The following LAMA5 variants were observed in gnomAD, a reference collection of about 807,000 sequenced individuals.
LAMA5 encodes laminin subunit alpha 5, also known as laminin subunit alpha-5.
In LAMA5, 260 loss-of-function variants were observed where a neutral mutation model predicts 433.4. The observed-to-expected ratio is 0.60, with a 90% confidence interval of 0.54 to 0.66. The LOEUF is 0.66. LAMA5 is among the 30% of genes least tolerant of loss of function. The pLI, the probability that LAMA5 is intolerant of heterozygous loss-of-function variation, is 0.00. For synonymous variants in LAMA5, 2,620 were observed against 2,226.6 expected, an observed-to-expected ratio of 1.18 and a Z score of -4.97; for missense variants, 5,378 against 5,258.5, an observed-to-expected ratio of 1.02 and a Z score of -0.70.
Position 62,322,645 on chromosome 20 carries a change from C to T in LAMA5, c.6165+13G>A, listed in dbSNP as rs1478682655. 2.0e-6 allele frequency: 3 copies of T among 1,495,680 alleles called. No individual in the cohort carries two copies. The South Asian group carries it at 3.6e-5, about 18-fold the overall frequency. The allele number at this position is 1,495,680 out of a possible 1,614,324, so 92.7% of individuals were successfully genotyped here. A position where few individuals can be genotyped will look rare whatever the true frequency, so the allele number is the denominator to read the frequency against. ...GCCCCACCCACCCAGCCCTGCTTAC[C>T]CCACAGCCCTACCTGGCAGCGGTCA... is the stretch of plus-strand genomic sequence containing the variant. On this transcript the variant is annotated intron_variant, in intron 46 of 79. Coordinates refer to ENST00000252999, the MANE Select transcript of LAMA5 (RefSeq NM_005560.6).
At chr20:62,366,623 G>A (rs1027492854) in intron 1 of LAMA5, among the ~76,000 whole-genome samples, 3 of 152,182 alleles carry the variant, frequency 2.0e-5, no homozygotes, top group Admixed American at 2.0e-4. Context: ...GCCAAGTCCC[G>A]CCCTCCCCGG....
intron 1 of LAMA5, among the ~76,000 whole-genome samples, chr20:62,364,397 CA>C (rs1384206653): frequency 6.6e-6 from 1 of 152,156 alleles, no homozygotes; most frequent in East Asian, 1.9e-4. Context: ...GGTTGCGGGT[CA>C]AGGGTCAGCC....
chr20:62,336,795 AGAG>A lies in LAMA5; in HGVS notation c.2165-12_2165-10del. ...AGGGTGGCAAGAGCCAGCTGTGAAG[AGAG>A]GACCATGCCTCGGTCATTTCCCAGT... On this transcript the variant is annotated splice_polypyrimidine_tract_variant and intron_variant, in intron 16 of 79. Transcript: ENST00000252999. 1 of 1,612,360 alleles carries A rather than the reference AGAG, an allele frequency of 6.2e-7. No homozygotes were observed. The highest frequency in any genetic ancestry group is 8.5e-7 in the Non-Finnish European group (1 of 1,179,900).
chr20:62,361,591 C>T (rs1441629194), intron 2 of LAMA5, among the ~76,000 whole-genome samples: 6 of 152,234 alleles, frequency 3.9e-5, no homozygotes, highest in African/African-American at 7.2e-5. Flanking sequence ...ACTGGGGCAG[C>T]GGCGGAGCCG....
At chr20:62,344,765 TTAA>T (rs1370038678) in intron 11 of LAMA5, among the ~76,000 whole-genome samples, 2 of 151,852 alleles carry the variant, frequency 1.3e-5, no homozygotes, top group Middle Eastern at 3.4e-3. Context: ...CTACCTCATC[TTAA>T]TAATGCTTTA....
At chr20:62,323,950 CGG>C (rs1978805164) in intron 43 of LAMA5, 94 bp from the exon 44 acceptor site, 1 of 1,443,646 alleles carries the variant, frequency 6.9e-7, no homozygotes, top group Non-Finnish European at 9.3e-7. Context: ...CGCCAGGCGT[CGG>C]GGGCCCAGAC....
At position 62,314,615 on chromosome 20, in the gene LAMA5, T is replaced by C. The variant is rs1261301948; in HGVS notation, c.8307A>G (p.Pro2769=). The change falls in exon 61 of 80, where the codon CCA becomes CCG. Residue 2769 remains proline (P), a synonymous_variant. Coordinates refer to ENST00000252999, the MANE Select transcript of LAMA5 (RefSeq NM_005560.6). The part of the protein sequence containing the change: ...YTALKFYLQG[P]EPEPGQGTED... The stretch of plus-strand genomic sequence containing the variant: ...CGGTACCCTGCCCAGGCTCAGGCTC[T>C]GGGCCCTGCAGGTAGAACTTGAGGG... The C allele has an allele frequency of 2.5e-6, 4 of 1,612,460 alleles. No individual in the cohort carries two copies. Among genetic ancestry groups the C allele is most frequent in the Non-Finnish European group, 3.4e-6 (4 of 1,179,868 alleles).
intron 2 of LAMA5, among the ~76,000 whole-genome samples, chr20:62,362,183 T>C (rs1427770847): frequency 2.0e-5 from 3 of 152,242 alleles, no homozygotes; most frequent in Non-Finnish European, 4.4e-5. Context: ...CCGCTTTCCC[T>C]GTGTCATGGG....
chr20:62,327,314 G>T lies in LAMA5; in HGVS notation c.5031C>A (p.Asp1677Glu), dbSNP rs1979473346. Residue 1677 changes from aspartate (D) to glutamate (E), a missense_variant, in exon 38 of 80, where the codon GAC becomes GAA. Physicochemically the swap from Asp to Glu is conservative, Grantham distance 45 (BLOSUM62 2). Transcript: ENST00000252999. ...GCACAGCCTCAGGCACGTGCCGCAG[G>T]TCTGCACGGAGCATCTCCGTCCCTG... ...RQPGTEMLRA[D>E]LRHVPEAVPE... is the part of the protein sequence containing the mutation. 3 of 1,599,914 alleles carry T rather than the reference G, an allele frequency of 1.9e-6. No homozygotes were observed. The highest frequency in any genetic ancestry group is 2.7e-5 in the African/African-American group (2 of 74,914).
At position 62,317,009 on chromosome 20, in the gene LAMA5, A is replaced by T; in HGVS notation, c.7526T>A (p.Val2509Asp). 1 of 1,536,234 alleles carries T rather than the reference A, an allele frequency of 6.5e-7. No homozygotes were observed. The highest frequency in any genetic ancestry group is 8.8e-7 in the Non-Finnish European group (1 of 1,139,080). ...CCTCTGGGTGAGGCGGTCCTGGTTG[A>T]CGTCCAGGATGATGCTGCAGCGGAA... is the stretch of plus-strand genomic sequence containing the variant. The part of the protein sequence containing the change: ...ALNLSSIILD[V>D]NQDRLTQRAI... Residue 2509 changes from valine (V) to aspartate (D), a missense_variant, in exon 56 of 80, where the codon GTC (valine) becomes GAC (aspartate). Val to Asp is a radical substitution (Grantham distance 152, BLOSUM62 -3). Coordinates refer to ENST00000252999, the MANE Select transcript of LAMA5 (RefSeq NM_005560.6).
intron 79 of LAMA5, 77 bp from the exon 80 acceptor site, chr20:62,309,552 G>A (rs535706596): frequency 1.3e-5 from 16 of 1,256,308 alleles, no homozygotes; most frequent in Non-Finnish European, 1.7e-5. Context: ...AAACGTCAGT[G>A]CCCCACCCAG....
chr20:62,342,297 C>T (rs1982720876), intron 11 of LAMA5: 1 of 369,782 alleles, frequency 2.7e-6, no homozygotes, highest in Non-Finnish European at 5.3e-6. Flanking sequence ...AGTGAAACTC[C>T]ATCTCAAAAA....
intron 2 of LAMA5, among the ~76,000 whole-genome samples, chr20:62,361,689 CACT>C (rs1986147917): frequency 6.6e-6 from 1 of 152,232 alleles, no homozygotes; most frequent in African/African-American, 2.4e-5. Flanking sequence ...CCTGCCCCAC[CACT>C]GTCCCTGACC....
Position 62,312,982 on chromosome 20 carries a change from T to C in LAMA5, c.8984A>G (p.Glu2995Gly). The C allele has an allele frequency of 6.3e-7, 1 of 1,581,292 alleles. No homozygotes were observed. The highest frequency in any genetic ancestry group is 8.6e-7 in the Non-Finnish European group (1 of 1,161,434). The change falls in exon 66 of 80, where the codon GAA (glutamate) becomes GGA (glycine). Residue 2995 changes from glutamate to glycine, a missense_variant. Physicochemically the swap from Glu to Gly is moderately conservative, Grantham distance 98. Transcript: ENST00000252999. ...GTCATACAACAGCACGAGGCTGCCT[T>C]CTTGCACGGCCAAGCACAGGAACTG... ...QSQFLCLAVQ[E>G]GSLVLLYDFG...
chr20:62,322,239 T>A lies in LAMA5; in HGVS notation c.6346+30A>T, dbSNP rs770890303. On this transcript the variant is annotated intron_variant, in intron 47 of 79. Transcript: ENST00000252999. ...AGCGTACCCCACTCAGAAGTCCCCA[T>A]CCGCCCTCCTGTGACCGGCCAGCAC... 79 of 1,565,430 alleles carry A rather than the reference T, an allele frequency of 5.0e-5. 1 individual carries two copies. In the East Asian group the frequency reaches 1.8e-3, roughly 36 times the overall value.
rs1000286076 is a variant in LAMA5 at position 62,323,982 on chromosome 20, G to A, written c.5768+98C>T. The stretch of plus-strand genomic sequence containing the variant: ...CCAGACCTCACGGACACCTCCAGCT[G>A]TCCAGGCCTCTGCAGAGGGCAGTGG... On this transcript the variant is annotated intron_variant, in intron 43 of 79. Coordinates refer to ENST00000252999, the MANE Select transcript of LAMA5 (RefSeq NM_005560.6). The A allele has an allele frequency of 4.2e-6, 6 of 1,419,488 alleles. No homozygotes were observed. In the African/African-American group the frequency reaches 7.2e-5, roughly 17 times the overall value. The allele number at this position is 1,419,488 out of a possible 1,614,324, so 87.9% of individuals were successfully genotyped here. A position where few individuals can be genotyped will look rare whatever the true frequency, so the allele number is the denominator to read the frequency against.
At chr20:62,332,271 T>G (rs1049132760) in intron 28 of LAMA5, 101 bp downstream of exon 28, 1 of 833,506 alleles carries the variant, frequency 1.2e-6, no homozygotes, top group African/African-American at 1.7e-5. Context: ...TGTGGCCGCC[T>G]TGGGGACCTG....
At position 62,333,715 on chromosome 20, in the gene LAMA5, G is replaced by A; in HGVS notation, c.2879-9C>T. The A allele has an allele frequency of 6.3e-7, 1 of 1,575,606 alleles. No homozygotes were observed. The highest frequency in any genetic ancestry group is 8.6e-7 in the Non-Finnish European group (1 of 1,161,656). On this transcript the variant is annotated splice_polypyrimidine_tract_variant and intron_variant, in intron 23 of 79. Coordinates refer to ENST00000252999, the MANE Select transcript of LAMA5 (RefSeq NM_005560.6). Reference sequence around the variant, plus strand: ...CTGACTCTGTGCTGTGCCTGGGCGGGGGCAGGGGTGAGACTCCTGAGCCCA... The same window carrying A: ...CTGACTCTGTGCTGTGCCTGGGCGGAGGCAGGGGTGAGACTCCTGAGCCCA...
chr20:62,318,324 G>A (rs532593453), intron 53 of LAMA5, 130 bp downstream of exon 53: 5 of 412,228 alleles, frequency 1.2e-5, no homozygotes, highest in South Asian at 8.0e-5. Flanking sequence ...AGGAGGGGGG[G>A]AGGACGAGGG....
Sources: gnomAD v4.1 joint callset for allele counts (sites outside exome capture counted in the v4.1 genomes callset) on GRCh38, gnomAD v4.1.1 for gene constraint, MANE v1.5 for transcripts, NCBI Gene and HGNC (gene_info 2026-07-23, HGNC 2026-07-21) for gene names.